The following ARHGAP10 variants were observed in gnomAD, a reference collection of about 807,000 sequenced individuals.
The protein encoded by ARHGAP10 is Rho GTPase activating protein 10.
ARHGAP10 carries 87 observed loss-of-function variants against 108.6 expected under a neutral mutation model. The ratio of observed to expected loss-of-function variants is 0.80; its 90% CI spans 0.67 to 0.96. The LOEUF is 0.96. ARHGAP10 is among the 40% of genes least tolerant of loss of function. The pLI, the probability that ARHGAP10 is intolerant of heterozygous loss-of-function variation, is 0.00. For missense variants in ARHGAP10, 939 were observed against 954.5 expected (o/e 0.98, Z 0.21); for synonymous variants, 347 against 341.1 (o/e 1.02, Z -0.19).
At chr4:147,764,108 A>T (rs1729697879) in intron 1 of ARHGAP10, among the ~76,000 whole-genome samples, 1 of 152,104 alleles carries the variant, frequency 6.6e-6, no homozygotes, top group African/African-American at 2.4e-5. Context: ...AGCTGAATAG[A>T]GTTGGATAGG....
At chr4:147,862,026 C>T (rs553113266) in intron 5 of ARHGAP10, 1 of 152,398 alleles carries the variant, frequency 6.6e-6, no homozygotes, top group East Asian at 1.9e-4. Flanking sequence ...AGGAACCTGT[C>T]TCCCGCAGCT....
intron 16 of ARHGAP10, among the ~76,000 whole-genome samples, chr4:147,963,013 ATTAG>A (rs894270900): frequency 1.3e-5 from 2 of 152,004 alleles, no homozygotes; most frequent in African/African-American, 4.8e-5. Context: ...TTTCCTCCTA[ATTAG>A]TTCTTTTTCC....
At chr4:147,780,557 T>C (rs1730488185) in intron 1 of ARHGAP10, among the ~76,000 whole-genome samples, 1 of 14,912 alleles carries the variant, frequency 6.7e-5, no homozygotes, top group South Asian at 2.9e-3. Context: ...AGAAGGAGAC[T>C]AGGAAAAAAA....
chr4:147,898,589 A>G (rs1325731777), intron 10 of ARHGAP10, among the ~76,000 whole-genome samples: 1 of 151,408 alleles, frequency 6.6e-6, no homozygotes, highest in Non-Finnish European at 1.5e-5. Flanking sequence ...TTTTCTGTTT[A>G]TTTTTTGGGA....
chr4:147,997,829 A>G (rs1740537841), intron 18 of ARHGAP10, among the ~76,000 whole-genome samples: 1 of 152,222 alleles, frequency 6.6e-6, no homozygotes, highest in Admixed American at 6.5e-5. Flanking sequence ...CTCATCCATA[A>G]TAGTTCTCAA....
chr4:148,043,544 C>G (rs1343589804), intron 19 of ARHGAP10, among the ~76,000 whole-genome samples: 1 of 142,240 alleles, frequency 7.0e-6, no homozygotes, highest in Non-Finnish European at 1.5e-5. Flanking sequence ...TTTGAGAAGT[C>G]AAGACAGGAG....
At chr4:148,025,313 G>A (rs931371687) in intron 19 of ARHGAP10, among the ~76,000 whole-genome samples, 1 of 150,628 alleles carries the variant, frequency 6.6e-6, no homozygotes, top group Admixed American at 6.6e-5. Context: ...TCTACATTTT[G>A]TATTTCATGA....
intron 3 of ARHGAP10, among the ~76,000 whole-genome samples, chr4:147,823,194 A>AAG (rs1269406935): frequency 1.3e-5 from 2 of 152,200 alleles, no homozygotes; most frequent in African/African-American, 2.4e-5. Context: ...CTTCATCTGT[A>AAG]AAGTGGACAG....
At chr4:147,902,504 G>C (rs775324730) in intron 10 of ARHGAP10, among the ~76,000 whole-genome samples, 4 of 152,168 alleles carry the variant, frequency 2.6e-5, no homozygotes, top group South Asian at 2.1e-4. Context: ...GAGGTGGGCC[G>C]ATCACCTTGT....
intron 19 of ARHGAP10, among the ~76,000 whole-genome samples, chr4:148,027,456 A>G (rs1727921702): frequency 1.3e-5 from 2 of 152,234 alleles, no homozygotes; most frequent in South Asian, 2.1e-4. Flanking sequence ...AGCATGTGTT[A>G]TTGTAGTCCT....
intron 7 of ARHGAP10, among the ~76,000 whole-genome samples, chr4:147,867,812 C>T (rs895708771): frequency 1.4e-5 from 2 of 142,150 alleles, no homozygotes; most frequent in Admixed American, 7.5e-5. Flanking sequence ...TGCAGTGATC[C>T]GAGACCGTGC....
intron 1 of ARHGAP10, among the ~76,000 whole-genome samples, chr4:147,805,901 A>G (rs1731763061): frequency 6.6e-6 from 1 of 152,234 alleles, no homozygotes; most frequent in African/African-American, 2.4e-5. Context: ...TTATGCTAAC[A>G]CAAAGGGCTA....
rs773361798 is a variant in ARHGAP10 at position 147,965,022 on chromosome 4, A to C, written c.1451-2A>C. 1 of 1,525,088 alleles carries C rather than the reference A, an allele frequency of 6.6e-7. No individual in the cohort carries two copies. Among genetic ancestry groups the C allele is most frequent in the East Asian group, 2.4e-5 (1 of 42,454 alleles). The allele number at this position is 1,525,088 out of a possible 1,614,324, so 94.5% of individuals were successfully genotyped here. On this transcript the variant is annotated splice_acceptor_variant, in intron 16 of 22. Transcript: ENST00000336498. LOFTEE classifies it high-confidence loss of function. The stretch of plus-strand genomic sequence containing the variant: ...TCTTTATTATTATTTTTTTTTTGGA[A>C]GAAAGCGGCAGCCCAGAATCTCGTG...
intron 18 of ARHGAP10, among the ~76,000 whole-genome samples, chr4:147,968,675 T>C (rs1399512801): frequency 1.3e-5 from 2 of 152,244 alleles, no homozygotes; most frequent in Admixed American, 6.5e-5. Flanking sequence ...TTTTAGATTT[T>C]TTTTTCTTCA....
At chr4:147,769,295 C>G (rs1729974048) in intron 1 of ARHGAP10, among the ~76,000 whole-genome samples, 1 of 152,086 alleles carries the variant, frequency 6.6e-6, no homozygotes, top group South Asian at 2.1e-4. Context: ...AGGGAAATTA[C>G]TCAGTAAATG....
intron 22 of ARHGAP10, among the ~76,000 whole-genome samples, chr4:148,069,631 C>T (rs1416068507): frequency 6.6e-6 from 1 of 152,190 alleles, no homozygotes; most frequent in Non-Finnish European, 1.5e-5. Context: ...TGAGCATGTG[C>T]AGGTGAGACT....
intron 3 of ARHGAP10, among the ~76,000 whole-genome samples, chr4:147,826,967 C>CT (rs1732732889): frequency 6.6e-6 from 1 of 152,156 alleles, no homozygotes; most frequent in African/African-American, 2.4e-5. Context: ...TTCCAAGTCA[C>CT]TTTCAATCTA....
At chr4:147,874,242 G>A (rs1734966569) in intron 7 of ARHGAP10, among the ~76,000 whole-genome samples, 1 of 152,100 alleles carries the variant, frequency 6.6e-6, no homozygotes, top group Non-Finnish European at 1.5e-5. Flanking sequence ...CAGTTTTTTG[G>A]TATTAATACA....
intron 3 of ARHGAP10, among the ~76,000 whole-genome samples, chr4:147,837,650 T>TTGTTTTTTTTTTTTTTTTG (rs1553955215): frequency 8.9e-6 from 1 of 112,006 alleles, no homozygotes; most frequent in Non-Finnish European, 1.8e-5. Context: ...ACTGTTTTTT[T>TTGTTTTTTTTTTTTTTTTG]TTTTTTTTTT....
Sources: gnomAD v4.1 joint callset for allele counts (sites outside exome capture counted in the v4.1 genomes callset) on GRCh38, gnomAD v4.1.1 for gene constraint, MANE v1.5 for transcripts, NCBI Gene and HGNC (gene_info 2026-07-23, HGNC 2026-07-21) for gene names.